Variants in GLB1 observed in about 807,000 individuals in gnomAD.
GLB1 encodes beta-galactosidase.
GLB1 carries 56 observed loss-of-function variants against 74.0 expected under a neutral mutation model. The observed-to-expected ratio is 0.76, with a 90% CI of 0.61 to 0.94. GLB1 has a LOEUF of 0.94. Among genes scored for constraint, GLB1 ranks in the 40% least tolerant of loss-of-function variants. The probability of loss-of-function intolerance (pLI) is 0.00; values close to 1 mark genes in which losing one functional copy is unlikely to be tolerated. For missense variants in GLB1, 787 were observed against 845.5 expected, an observed-to-expected ratio of 0.93 and a Z score of 0.86; for synonymous variants, 323 against 323.6, an observed-to-expected ratio of 1.00 and a Z score of 0.02.
chr3:33,056,660 C>G (rs1699236428), intron 6 of GLB1, among the ~76,000 whole-genome samples: 1 of 152,128 alleles, frequency 6.6e-6, no homozygotes, highest in African/African-American at 2.4e-5. Context: ...TTCCCTTCAC[C>G]TAGATTTCCC....
chr3:33,074,389 G>GAAAGAAAAAGAAAGA (rs1559412979), intron 1 of GLB1, among the ~76,000 whole-genome samples: 2 of 38,882 alleles, frequency 5.1e-5, no homozygotes, highest in Non-Finnish European at 9.4e-5. Context: ...AGGAAGGAAG[G>GAAAGAAAAAGAAAGA]AAGAAAGAAA....
chr3:32,991,166 A>G, the GLB1 span, among the ~76,000 whole-genome samples: 1 of 152,152 alleles, frequency 6.6e-6, no homozygotes, highest in Non-Finnish European at 1.5e-5. Flanking sequence ...TGGGGGGTTC[A>G]CACAGTGGAT....
chr3:33,092,523 T>A, intron 1 of GLB1: 2 of 1,125,336 alleles, frequency 1.8e-6, no homozygotes, highest in South Asian at 7.6e-5. Flanking sequence ...GGGAGGTTCA[T>A]CCCTGGGAGC....
intron 10 of GLB1, chr3:33,038,006 C>T (rs1163252044): frequency 3.0e-5 from 3 of 100,464 alleles, no homozygotes; most frequent in African/African-American, 3.9e-5. Flanking sequence ...TCACACAATA[C>T]TGGGCGACTC....
At position 33,018,448 on chromosome 3, in the gene GLB1, C is replaced by T. The variant is rs778530428; in HGVS notation, c.1347G>A (p.Gly449=). Residue 449 remains glycine (G), a splice_region_variant and synonymous_variant, in exon 13 of 16, where the codon GGG becomes GGA. Coordinates refer to ENST00000307363, the MANE Select transcript of GLB1 (RefSeq NM_000404.4). ...CGCACAGTTCAGAGACGATTCTTAC[C>T]CCATCCACAGCAACATATGCTCGAT... ...VHDRAYVAVD[G]IPQGVLERNN... The T allele has an allele frequency of 1.9e-6, 3 of 1,613,880 alleles. No individual in the cohort carries two copies. In the South Asian group the frequency reaches 3.3e-5, roughly 18 times the overall value.
chr3:32,981,764 C>A, the GLB1 span, among the ~76,000 whole-genome samples: 1 of 149,832 alleles, frequency 6.7e-6, no homozygotes, highest in African/African-American at 2.5e-5. Context: ...CAGAGCGAGA[C>A]TCCATCTCAA....
chr3:32,972,919 C>G, the GLB1 span, among the ~76,000 whole-genome samples: 1 of 152,322 alleles, frequency 6.6e-6, no homozygotes, highest in Non-Finnish European at 1.5e-5. Context: ...TGTGAAGACC[C>G]TGTTTCCCTG....
At chr3:33,024,446 G>T (rs1188204815) in intron 10 of GLB1, 121 bp from the exon 11 acceptor site, 1 of 1,133,138 alleles carries the variant, frequency 8.8e-7, no homozygotes, top group Non-Finnish European at 1.2e-6. Context: ...CTGCTTTTTT[G>T]GAAAATCAAA....
chr3:33,065,795 C>T (rs1414765213), intron 4 of GLB1, among the ~76,000 whole-genome samples: 2 of 151,914 alleles, frequency 1.3e-5, no homozygotes, highest in African/African-American at 4.8e-5. Flanking sequence ...TGGAGAAACC[C>T]CATCTCTACT....
In GLB1 at chr3:33,053,411, G is replaced by A. The variant is rs536750322; in HGVS notation, c.792+80C>T. On this transcript the variant is annotated intron_variant, in intron 7 of 15. Transcript: ENST00000307363. Reference sequence around the variant, plus strand: ...CTGACTCCAGAGCCAAAAACATCAAGGGCCTACTGCCCAGTTTCAGCAGCA... The same window carrying A: ...CTGACTCCAGAGCCAAAAACATCAAAGGCCTACTGCCCAGTTTCAGCAGCA... The A allele has an allele frequency of 5.0e-6, 8 of 1,605,352 alleles. No homozygotes were observed. The South Asian group carries it at 8.9e-5, about 18-fold the overall frequency.
At chr3:33,074,385 G>GAAAGAAAGAAAGAAAGA (rs1338351259) in intron 1 of GLB1, among the ~76,000 whole-genome samples, 985 of 19,846 alleles carry the variant, frequency 0.05, 162 homozygotes, top group East Asian at 0.11. Context: ...AGGAAGGAAG[G>GAAAGAAAGAAAGAAAGA]AAGGAAGAAA....
At chr3:32,989,148 G>T in the GLB1 span, among the ~76,000 whole-genome samples, 3 of 152,244 alleles carry the variant, frequency 2.0e-5, no homozygotes, top group South Asian at 2.1e-4. Flanking sequence ...GTGGACAGAT[G>T]AACCCAGTTG....
the GLB1 span, among the ~76,000 whole-genome samples, chr3:32,976,427 A>T: frequency 6.6e-6 from 1 of 152,104 alleles, no homozygotes; most frequent in Admixed American, 6.6e-5. Flanking sequence ...GACACAACCC[A>T]CACTGTGTTG....
intron 15 of GLB1, among the ~76,000 whole-genome samples, chr3:33,009,578 T>C (rs1175157827): frequency 2.0e-5 from 3 of 152,118 alleles, no homozygotes; most frequent in Admixed American, 6.5e-5. Flanking sequence ...GTTTGGTGCA[T>C]AGAAACATGC....
chr3:32,977,287 A>C, the GLB1 span, among the ~76,000 whole-genome samples: 2 of 151,664 alleles, frequency 1.3e-5, no homozygotes. Context: ...GCTCACTGCA[A>C]TCTCCACTTC....
At chr3:32,972,152 C>A in the GLB1 span, among the ~76,000 whole-genome samples, 1 of 152,174 alleles carries the variant, frequency 6.6e-6, no homozygotes, top group Admixed American at 6.5e-5. Flanking sequence ...GGGTACCGTA[C>A]CCCCATCTAT....
At chr3:33,033,431 TAGAGGA>T (rs1698138281) in intron 10 of GLB1, among the ~76,000 whole-genome samples, 1 of 152,204 alleles carries the variant, frequency 6.6e-6, no homozygotes, top group African/African-American at 2.4e-5. Context: ...CTATTCTCTC[TAGAGGA>T]AAAGATTACA....
the GLB1 span, among the ~76,000 whole-genome samples, chr3:32,973,360 G>T: frequency 6.6e-6 from 1 of 151,878 alleles, no homozygotes; most frequent in South Asian, 2.1e-4. Context: ...TTGAGAAGGA[G>T]TCTCACTTTG....
At position 32,996,825 on chromosome 3, in the gene GLB1, T is replaced by G; in HGVS notation, c.*220A>C. The G allele has an allele frequency of 1.5e-6, 1 of 675,488 alleles. No homozygotes were observed. The highest frequency in any genetic ancestry group is 2.4e-6 in the Non-Finnish European group (1 of 411,408). 41.8% of individuals were successfully genotyped at this position (675,488 alleles called of 1,614,324 possible). A position where few individuals can be genotyped will look rare whatever the true frequency, so the allele number is the denominator to read the frequency against. On this transcript the variant is annotated 3_prime_UTR_variant, in exon 16 of 16. Coordinates refer to ENST00000307363, the MANE Select transcript of GLB1 (RefSeq NM_000404.4). ...AAAGCTTCCATTCCAGCCCTGCAGA[T>G]ATGTATGCACGTTACTGTGCTGTCA...
Sources: allele counts gnomAD v4.1 joint callset (sites outside exome capture counted in the v4.1 genomes callset), GRCh38; gene constraint gnomAD v4.1.1; transcripts MANE v1.5; gene names NCBI Gene and HGNC (gene_info 2026-07-23, HGNC 2026-07-21).